The following LPP variants were observed in gnomAD, a reference collection of about 807,000 sequenced individuals.
The protein encoded by LPP is lipoma-preferred partner.
In LPP, 38 loss-of-function variants were observed where a neutral mutation model predicts 60.4. The observed-to-expected ratio is 0.63, with a 90% CI of 0.49 to 0.83. The LOEUF is 0.83. LPP is among the 40% of genes least tolerant of loss of function. The pLI, the probability that LPP is intolerant of heterozygous loss-of-function variation, is 0.00. For synonymous variants in LPP, 328 were observed against 290.8 expected (o/e 1.13, Z -1.30); for missense variants, 902 against 783.6 (o/e 1.15, Z -1.80).
intron 3 of LPP, among the ~76,000 whole-genome samples, chr3:188,386,687 CT>C (rs1251310490): frequency 1.3e-5 from 2 of 152,136 alleles, no homozygotes; most frequent in Non-Finnish European, 2.9e-5. Flanking sequence ...CAGTTTTCCC[CT>C]TCTATTAAAT....
intron 2 of LPP, among the ~76,000 whole-genome samples, chr3:188,289,209 C>T (rs952765877): frequency 2.6e-5 from 4 of 152,104 alleles, no homozygotes; most frequent in East Asian, 1.9e-4. Context: ...AATCATAGCA[C>T]GTCTAAAATC....
chr3:188,494,794 G>A (rs62289634), intron 5 of LPP, among the ~76,000 whole-genome samples: 64,532 of 151,692 alleles, frequency 0.43, 16,827 homozygotes, highest in Middle Eastern at 0.59. Flanking sequence ...TGACTGTAAC[G>A]TGCTGCTCAA....
chr3:188,809,256 C>A (rs1055949958), intron 9 of LPP, among the ~76,000 whole-genome samples: 2 of 152,104 alleles, frequency 1.3e-5, no homozygotes, highest in African/African-American at 2.4e-5. Context: ...GAGGAATCAC[C>A]ACACTGTCTT....
At chr3:188,629,320 C>T (rs577358279) in intron 7 of LPP, among the ~76,000 whole-genome samples, 1 of 152,182 alleles carries the variant, frequency 6.6e-6, no homozygotes, top group Admixed American at 6.5e-5. Context: ...ACCTAGAAAA[C>T]CCCATAGACT....
chr3:188,541,898 A>G (rs1481192971), intron 6 of LPP, among the ~76,000 whole-genome samples: 1 of 152,158 alleles, frequency 6.6e-6, no homozygotes, highest in African/African-American at 2.4e-5. Context: ...ACTCCATCAC[A>G]CACACAAAAA....
At chr3:188,656,470 GCAAA>G (rs1303796172) in intron 7 of LPP, among the ~76,000 whole-genome samples, 1 of 152,000 alleles carries the variant, frequency 6.6e-6, no homozygotes, top group Non-Finnish European at 1.5e-5. Context: ...CTCAAAAAAA[GCAAA>G]CAAACAATTA....
intron 4 of LPP, among the ~76,000 whole-genome samples, chr3:188,453,112 T>C (rs926986146): frequency 5.9e-5 from 9 of 152,142 alleles, no homozygotes; most frequent in Admixed American, 5.9e-4. Flanking sequence ...TGATACTTCC[T>C]GGTCACGTCA....
At chr3:188,155,194 G>A (rs559546436) in intron 1 of LPP, among the ~76,000 whole-genome samples, 2 of 152,228 alleles carry the variant, frequency 1.3e-5, no homozygotes, top group African/African-American at 4.8e-5. Flanking sequence ...CCTCGGAGTC[G>A]TAGGAGAACT....
intron 9 of LPP, among the ~76,000 whole-genome samples, chr3:188,811,386 GCACA>G (rs144125693): frequency 8.2e-6 from 1 of 121,574 alleles, no homozygotes; most frequent in Admixed American, 8.0e-5. Flanking sequence ...ACACACACAC[GCACA>G]CACGCTCAAA....
chr3:188,555,289 C>T (rs1202650912), intron 6 of LPP, among the ~76,000 whole-genome samples: 2 of 152,014 alleles, frequency 1.3e-5, no homozygotes, highest in Non-Finnish European at 2.9e-5. Context: ...TCACATAGAA[C>T]CTCATAGGAC....
intron 10 of LPP, 31 bp from the exon 11 acceptor site, chr3:188,872,612 T>C: frequency 6.2e-7 from 1 of 1,613,922 alleles, no homozygotes; most frequent in Non-Finnish European, 8.5e-7. Context: ...CGACGCGCAG[T>C]ATCTAACCAG....
intron 2 of LPP, among the ~76,000 whole-genome samples, chr3:188,326,100 T>A (rs1407208011): frequency 6.6e-6 from 1 of 152,240 alleles, no homozygotes; most frequent in African/African-American, 2.4e-5. Flanking sequence ...GGGATTCATC[T>A]GACCATTTGG....
chr3:188,852,424 T>TA (rs1316260668), intron 9 of LPP, among the ~76,000 whole-genome samples: 1 of 152,212 alleles, frequency 6.6e-6, no homozygotes, highest in East Asian at 1.9e-4. Flanking sequence ...TCCTTTAAGT[T>TA]AATGTGTTGG....
chr3:188,389,795 T>A lies in LPP; in HGVS notation c.-9-16317T>A, dbSNP rs1428468820. On this transcript the variant is annotated intron_variant, in intron 3 of 11. Coordinates refer to ENST00000617246, the MANE Select transcript of LPP (RefSeq NM_001375462.1). Reference sequence around the variant, plus strand: ...CGTCTCAAAAAAAAAAAAAAAAAAATGGGACTCCGTCTCAAAAAAAAAAAG... The same window carrying A: ...CGTCTCAAAAAAAAAAAAAAAAAAAAGGGACTCCGTCTCAAAAAAAAAAAG... Among the ~76,000 whole-genome samples the A allele has an allele frequency of 2.8e-3, 200 of 70,326 alleles. 2 individuals carry two copies. Among genetic ancestry groups the A allele is most frequent in the Non-Finnish European group, 2.7e-3 (92 of 34,310 alleles). The allele number at this position is 70,326 out of a possible 152,430, so 46.1% of individuals were successfully genotyped here.
intron 9 of LPP, among the ~76,000 whole-genome samples, chr3:188,853,655 TG>T (rs1763179942): frequency 6.6e-6 from 1 of 152,100 alleles, no homozygotes; most frequent in Non-Finnish European, 1.5e-5. Context: ...CGTTTGGCTT[TG>T]GGGAGCAGTC....
chr3:188,482,869 G>C (rs1805219756), intron 4 of LPP, among the ~76,000 whole-genome samples: 1 of 152,116 alleles, frequency 6.6e-6, no homozygotes, highest in African/African-American at 2.4e-5. Context: ...GGTTATTAAA[G>C]TGTGCTGTCA....
intron 3 of LPP, among the ~76,000 whole-genome samples, chr3:188,403,486 G>A (rs1782714534): frequency 6.6e-6 from 1 of 152,110 alleles, no homozygotes; most frequent in Non-Finnish European, 1.5e-5. Flanking sequence ...CTACCAATGT[G>A]CATAATGCAT....
At chr3:188,210,357 T>A (rs923615684) in intron 1 of LPP, among the ~76,000 whole-genome samples, 5 of 152,060 alleles carry the variant, frequency 3.3e-5, no homozygotes, top group Non-Finnish European at 7.4e-5. Flanking sequence ...TGAAATATGG[T>A]CCTGAGAGGC....
intron 1 of LPP, among the ~76,000 whole-genome samples, chr3:188,214,590 G>T (rs529721492): frequency 3.3e-4 from 50 of 152,316 alleles, no homozygotes; most frequent in African/African-American, 1.2e-3. Flanking sequence ...AAAGAGAGGG[G>T]AAGCGACTCT....
Sources: allele counts gnomAD v4.1 joint callset (sites outside exome capture counted in the v4.1 genomes callset), GRCh38; gene constraint gnomAD v4.1.1; transcripts MANE v1.5; gene names NCBI Gene and HGNC (gene_info 2026-07-23, HGNC 2026-07-21).